The following TF variants were observed in gnomAD, a reference collection of about 807,000 sequenced individuals.
TF encodes the protein serotransferrin.
TF carries 55 observed loss-of-function variants against 82.4 expected under a neutral mutation model. That is an observed-to-expected ratio of 0.67 (90% CI 0.54 to 0.84). The LOEUF (loss-of-function observed/expected upper bound fraction) is 0.84, where lower values mean the gene tolerates loss of function less well. Ranked by LOEUF, TF falls within the 40% of genes least tolerant of loss-of-function variation. The pLI, the probability that TF is intolerant of heterozygous loss-of-function variation, is 0.00. For missense variants in TF, 737 were observed against 868.4 expected (o/e 0.85, Z 1.90); for synonymous variants, 332 against 332.6 (o/e 1.00, Z 0.02).
the TF span, among the ~76,000 whole-genome samples, chr3:133,684,173 T>C: frequency 2.6e-5 from 4 of 152,160 alleles, no homozygotes; most frequent in African/African-American, 4.8e-5. Flanking sequence ...AGACACAATA[T>C]ATCAGAATCT....
chr3:133,722,050 T>C, the TF span, among the ~76,000 whole-genome samples: 1 of 152,066 alleles, frequency 6.6e-6, no homozygotes, highest in Admixed American at 6.6e-5. Flanking sequence ...CGGCTAATTT[T>C]TTTGTATTTT....
chr3:133,749,523 A>C (rs186208947), intron 2 of TF, among the ~76,000 whole-genome samples: 54 of 152,326 alleles, frequency 3.5e-4, no homozygotes, highest in African/African-American at 1.3e-3. Flanking sequence ...GGAGGGAAAA[A>C]GGAGAGTGTT....
the TF span, among the ~76,000 whole-genome samples, chr3:133,723,567 T>C: frequency 6.7e-6 from 1 of 149,420 alleles, no homozygotes; most frequent in African/African-American, 2.4e-5. Context: ...AGTCTGTTGA[T>C]GAAGCACTTA....
chr3:133,777,375 A>T, intron 16 of TF, 137 bp downstream of exon 16: 1 of 809,832 alleles, frequency 1.2e-6, no homozygotes, highest in Non-Finnish European at 2.0e-6. Flanking sequence ...TGAGTGAACA[A>T]TCTAAGCCCG....
chr3:133,696,411 GT>G, the TF span, among the ~76,000 whole-genome samples: 1 of 152,118 alleles, frequency 6.6e-6, no homozygotes, highest in African/African-American at 2.4e-5. Context: ...CTATATTAGG[GT>G]TTGGTACTAT....
chr3:133,763,247 T>TA (rs1250949715), intron 9 of TF, among the ~76,000 whole-genome samples: 7 of 152,156 alleles, frequency 4.6e-5, no homozygotes, highest in Non-Finnish European at 1.0e-4. Flanking sequence ...CTTACAGTAT[T>TA]AAAAAAATGC....
At chr3:133,677,285 CT>C in the TF span, among the ~76,000 whole-genome samples, 39 of 152,190 alleles carry the variant, frequency 2.6e-4, no homozygotes, top group Non-Finnish European at 4.1e-4. Flanking sequence ...AGTGAGTGAC[CT>C]AGTCTAGGTT....
the TF span, among the ~76,000 whole-genome samples, chr3:133,724,002 T>C: frequency 1.3e-5 from 2 of 152,208 alleles, no homozygotes; most frequent in Non-Finnish European, 2.9e-5. Context: ...TTTTTATGGC[T>C]GCATAGTATT....
chr3:133,726,800 T>C, the TF span, among the ~76,000 whole-genome samples: 1 of 152,238 alleles, frequency 6.6e-6, no homozygotes, highest in East Asian at 1.9e-4. Flanking sequence ...CATTTAGTGC[T>C]ATAAATTTCC....
chr3:133,751,076 G>A lies in TF; in HGVS notation c.216+2492G>A, dbSNP rs552837374. 3.3e-5 allele frequency among the ~76,000 whole-genome samples: 5 copies of A among 152,182 alleles called. No individual in the cohort carries two copies. The South Asian group carries it at 6.2e-4, about 19-fold the overall frequency. ...TTACAACCCAAATATCCATTGATGA[G>A]TGAATAGATAAATAAAATGTGGTAA... On this transcript the variant is annotated intron_variant, in intron 2 of 16. Transcript: ENST00000402696.
the TF span, among the ~76,000 whole-genome samples, chr3:133,702,709 AT>A: frequency 6.6e-6 from 1 of 152,056 alleles, no homozygotes; most frequent in Admixed American, 6.5e-5. Flanking sequence ...GAGCAGAACT[AT>A]TTTTGTGATT....
chr3:133,697,642 G>GCC, the TF span, among the ~76,000 whole-genome samples: 1 of 152,192 alleles, frequency 6.6e-6, no homozygotes, highest in Non-Finnish European at 1.5e-5. Flanking sequence ...GGCTGCTGCT[G>GCC]CCCCCCTGGG....
chr3:133,715,873 C>T, the TF span, among the ~76,000 whole-genome samples: 5 of 152,312 alleles, frequency 3.3e-5, no homozygotes, highest in East Asian at 7.7e-4. Context: ...GTTGCTAAAT[C>T]GAAAGGCCAG....
chr3:133,729,009 C>A, the TF span, among the ~76,000 whole-genome samples: 5 of 152,166 alleles, frequency 3.3e-5, no homozygotes, highest in African/African-American at 1.2e-4. Flanking sequence ...GATCGTTCCT[C>A]TGGAAGTTTT....
Position 133,768,129 on chromosome 3 carries a change from C to T in TF, c.1587C>T (p.Asn529=), listed in dbSNP as rs1442960103. Residue 529 remains asparagine (N), a synonymous_variant, in exon 13 of 17, where the codon AAC becomes AAT. Transcript: ENST00000402696. ...GSGLNLCEPN[N]KEGYYGYTGA... ...GCCTAAACCTGTGTGAACCCAACAA[C>T]AAAGAGGGATACTACGGCTACACAG... 1 of 1,613,988 alleles carries T rather than the reference C, an allele frequency of 6.2e-7. No homozygotes were observed. The highest frequency in any genetic ancestry group is 2.2e-5 in the East Asian group (1 of 44,876).
At chr3:133,695,245 CTTTTTTTT>C in the TF span, among the ~76,000 whole-genome samples, 3 of 100,344 alleles carry the variant, frequency 3.0e-5, no homozygotes, top group Non-Finnish European at 5.9e-5. Context: ...GGAGCTGGTT[CTTTTTTTT>C]TTTTTTTTTT....
chr3:133,675,170 A>G, the TF span, among the ~76,000 whole-genome samples: 1 of 145,274 alleles, frequency 6.9e-6, no homozygotes. Flanking sequence ...TCTTGAACCC[A>G]GGAGAGGGAG....
chr3:133,723,266 G>T, the TF span, among the ~76,000 whole-genome samples: 1 of 151,944 alleles, frequency 6.6e-6, no homozygotes, highest in Non-Finnish European at 1.5e-5. Flanking sequence ...AATCTTTTTG[G>T]GTTGAATCTA....
chr3:133,773,614 T>C (rs1012791597), intron 14 of TF: 1 of 152,130 alleles, frequency 6.6e-6, no homozygotes, highest in Non-Finnish European at 1.5e-5. Context: ...AAAATTTTCT[T>C]CCCAATACTT....
Sources: gnomAD v4.1 joint callset for allele counts (sites outside exome capture counted in the v4.1 genomes callset) on GRCh38, gnomAD v4.1.1 for gene constraint, MANE v1.5 for transcripts, NCBI Gene and HGNC (gene_info 2026-07-23, HGNC 2026-07-21) for gene names.